The following ROBO2 variants were observed in gnomAD, a reference collection of about 807,000 sequenced individuals.
ROBO2 encodes the protein roundabout homolog 2.
In ROBO2, 53 loss-of-function variants were observed where a neutral mutation model predicts 160.8. That is an observed-to-expected ratio of 0.33 (90% confidence interval 0.26 to 0.41). ROBO2 has a LOEUF of 0.41. ROBO2 is among the 10% of genes least tolerant of loss of function. The probability of loss-of-function intolerance (pLI) is 1.00; values close to 1 mark genes in which losing one functional copy is unlikely to be tolerated. For missense variants in ROBO2, 1,577 were observed against 1,722.4 expected, an observed-to-expected ratio of 0.92 and a Z score of 1.49; for synonymous variants, 664 against 611.7, an observed-to-expected ratio of 1.09 and a Z score of -1.26.
At chr3:76,202,039 C>G (rs960106823) in intron 2 of ROBO2, among the ~76,000 whole-genome samples, 1 of 152,136 alleles carries the variant, frequency 6.6e-6, no homozygotes, top group South Asian at 2.1e-4. Context: ...TAGGGAAGCA[C>G]TCATGCATCA....
rs558878271 is a variant in ROBO2, at chr3:76,702,613, G to A, written c.110-395401G>A. On this transcript the variant is annotated intron_variant, in intron 2 of 26. Coordinates refer to the ROBO2 transcript ENST00000487694. ...GTGATTTAAAAATCCTGAATCCAGCGTATGGTGTGTTGTGATGATAGATGT... is the reference window on the plus strand; with the variant it reads ...GTGATTTAAAAATCCTGAATCCAGCATATGGTGTGTTGTGATGATAGATGT... Among the ~76,000 whole-genome samples the A allele has an allele frequency of 1.4e-4, 21 of 152,124 alleles. No homozygotes were observed. In the South Asian group the frequency reaches 2.7e-3, roughly 19 times the overall value.
At chr3:76,243,832 T>C (rs1705452209) in intron 2 of ROBO2, among the ~76,000 whole-genome samples, 2 of 152,242 alleles carry the variant, frequency 1.3e-5, no homozygotes, top group Non-Finnish European at 2.9e-5. Context: ...AGCTCTTTAG[T>C]ACTGAATACA....
intron 5 of ROBO2, among the ~76,000 whole-genome samples, chr3:77,506,935 A>G (rs1023498696): frequency 2.0e-5 from 3 of 152,180 alleles, no homozygotes; most frequent in African/African-American, 7.2e-5. Flanking sequence ...GCATGTCATC[A>G]TTTAACACAA....
chr3:76,474,229 A>G (rs1404573738), intron 2 of ROBO2, among the ~76,000 whole-genome samples: 1 of 152,118 alleles, frequency 6.6e-6, no homozygotes, highest in Non-Finnish European at 1.5e-5. Flanking sequence ...TTTTTCTTGT[A>G]ACAGCTGTTT....
chr3:77,121,423 T>C, intron 2 of ROBO2, among the ~76,000 whole-genome samples: 1 of 152,190 alleles, frequency 6.6e-6, no homozygotes, highest in Admixed American at 6.5e-5. Flanking sequence ...AATTTTCTGC[T>C]TAATGATACC....
chr3:76,908,014 A>G (rs1222775603), intron 2 of ROBO2, among the ~76,000 whole-genome samples: 1 of 152,030 alleles, frequency 6.6e-6, no homozygotes, highest in East Asian at 1.9e-4. Context: ...TAATTTTTCT[A>G]TTGTTAGTAG....
intron 2 of ROBO2, among the ~76,000 whole-genome samples, chr3:76,880,907 TTTTG>T (rs765591090): frequency 6.6e-6 from 1 of 152,194 alleles, no homozygotes; most frequent in African/African-American, 2.4e-5. Flanking sequence ...AAGAATCTTA[TTTTG>T]TTTATTATTC....
At chr3:76,871,196 T>C (rs915762145) in intron 2 of ROBO2, among the ~76,000 whole-genome samples, 2 of 152,220 alleles carry the variant, frequency 1.3e-5, no homozygotes, top group East Asian at 3.8e-4. Context: ...AACCGTATAC[T>C]TTAGTTTTTA....
intron 2 of ROBO2, among the ~76,000 whole-genome samples, chr3:76,182,269 C>T (rs1051109609): frequency 6.6e-6 from 1 of 152,126 alleles, no homozygotes; most frequent in African/African-American, 2.4e-5. Context: ...CAACCTGTCC[C>T]TTAGGATTCA....
chr3:76,670,315 T>C (rs888109786), intron 2 of ROBO2, among the ~76,000 whole-genome samples: 2 of 125,150 alleles, frequency 1.6e-5, no homozygotes, highest in Non-Finnish European at 3.3e-5. Flanking sequence ...ATAAATCCTG[T>C]AGTAGGTTTT....
chr3:76,729,536 G>A (rs1037505979), intron 2 of ROBO2, among the ~76,000 whole-genome samples: 2 of 151,592 alleles, frequency 1.3e-5, no homozygotes, highest in Non-Finnish European at 2.9e-5. Flanking sequence ...GGTTTGGTAT[G>A]TTTTAGGGCT....
chr3:77,124,749 C>G (rs975819776), intron 2 of ROBO2, among the ~76,000 whole-genome samples: 44 of 152,006 alleles, frequency 2.9e-4, no homozygotes, highest in Admixed American at 1.3e-4. Context: ...TTTAGGCAAC[C>G]ATTTTTAGTT....
chr3:76,077,067 AGTT>A (rs1377450078), intron 2 of ROBO2, among the ~76,000 whole-genome samples: 4 of 152,166 alleles, frequency 2.6e-5, no homozygotes, highest in African/African-American at 7.2e-5. Flanking sequence ...TTTTTATTTT[AGTT>A]GTTGTTGATT....
chr3:76,415,625 CAG>C (rs1235666317), intron 2 of ROBO2, among the ~76,000 whole-genome samples: 1 of 152,134 alleles, frequency 6.6e-6, no homozygotes, highest in Non-Finnish European at 1.5e-5. Flanking sequence ...GAGTGTGCAT[CAG>C]TGTAAACTTT....
chr3:77,513,682 A>G (rs138185428), intron 5 of ROBO2, among the ~76,000 whole-genome samples: 112 of 151,892 alleles, frequency 7.4e-4, no homozygotes, highest in African/African-American at 2.6e-3. Context: ...GATGGTAATG[A>G]TTTTGACACA....
At chr3:76,436,011 T>A (rs1051907075) in intron 2 of ROBO2, among the ~76,000 whole-genome samples, 12 of 152,150 alleles carry the variant, frequency 7.9e-5, no homozygotes, top group Non-Finnish European at 1.8e-4. Context: ...ATCCTGGTTC[T>A]GCCTCAACCA....
At chr3:77,065,754 A>G (rs995152058) in intron 1 of ROBO2, among the ~76,000 whole-genome samples, 2 of 152,126 alleles carry the variant, frequency 1.3e-5, no homozygotes, top group African/African-American at 2.4e-5. Context: ...AGTCAAATAT[A>G]TGTTTCTCTT....
At chr3:77,459,912 C>T (rs368952488) in intron 2 of ROBO2, among the ~76,000 whole-genome samples, 8 of 138,954 alleles carry the variant, frequency 5.8e-5, no homozygotes, top group African/African-American at 2.1e-4. Context: ...TAAGGATTTT[C>T]ACTTTTTTCT....
At chr3:77,451,675 C>T (rs562808163) in intron 2 of ROBO2, among the ~76,000 whole-genome samples, 1 of 152,096 alleles carries the variant, frequency 6.6e-6, no homozygotes, top group Non-Finnish European at 1.5e-5. Context: ...TCCTCTTTAT[C>T]TCTCCCCTCT....
Sources: allele counts gnomAD v4.1 joint callset (sites outside exome capture counted in the v4.1 genomes callset), GRCh38; gene constraint gnomAD v4.1.1; transcripts MANE v1.5; gene names NCBI Gene and HGNC (gene_info 2026-07-23, HGNC 2026-07-21).